Variants in ATPSCKMT observed in about 807,000 individuals in gnomAD.
ATPSCKMT encodes the protein ATP synthase subunit C lysine N-methyltransferase.
In ATPSCKMT, 24 loss-of-function variants were observed where a neutral mutation model predicts 24.3. That is an observed-to-expected ratio of 0.99 (90% CI 0.71 to 1.39). The LOEUF is 1.39. Ranked by LOEUF, ATPSCKMT falls within the 40% of genes most tolerant of loss-of-function variation. The pLI is 0.00. For missense variants in ATPSCKMT, 311 were observed against 298.4 expected (o/e 1.04, Z -0.31); for synonymous variants, 95 against 110.5 (o/e 0.86, Z 0.88).
Position 10,249,853 on chromosome 5 carries a change from C to CTCACCT in ATPSCKMT, c.15_16+4dup, listed in dbSNP as rs1198201377. On this transcript the variant is annotated splice_donor_region_variant and intron_variant, in intron 1 of 4. Coordinates refer to ENST00000511437, the MANE Select transcript of ATPSCKMT (RefSeq NM_199133.4). ...CAGGAACCCGCCAAGCCGCTCCAGC[C>CTCACCT]TCACCTCCTCCTCCCTCCATCGCGA... 1 of 1,558,486 alleles carries CTCACCT rather than the reference C, an allele frequency of 6.4e-7. No homozygotes were observed. The highest frequency in any genetic ancestry group is 2.0e-5 in the Admixed American group (1 of 50,992).
Position 10,227,291 on chromosome 5 carries a change from T to C in ATPSCKMT, c.*150A>G. The C allele has an allele frequency of 1.3e-6, 1 of 797,450 alleles. No homozygotes were observed. Among genetic ancestry groups the C allele is most frequent in the Non-Finnish European group, 1.9e-6 (1 of 519,156 alleles). 49.4% of individuals were successfully genotyped at this position (797,450 alleles called of 1,614,324 possible). On this transcript the variant is annotated 3_prime_UTR_variant, in exon 5 of 5. Transcript: ENST00000511437. ...AGATTTTAAATCTACCTGTTTTTCT[T>C]CGTTTGTTTTCTCCAACAGTTAAGG...
chr5:10,238,148 T>C (rs967209619), intron 2 of ATPSCKMT, among the ~76,000 whole-genome samples: 3 of 152,134 alleles, frequency 2.0e-5, no homozygotes, highest in African/African-American at 7.2e-5. Context: ...TTTTGCAAGA[T>C]GAAAAGAGTT....
chr5:10,238,468 G>A (rs1374899176), intron 2 of ATPSCKMT, among the ~76,000 whole-genome samples: 1 of 152,122 alleles, frequency 6.6e-6, no homozygotes, highest in Non-Finnish European at 1.5e-5. Flanking sequence ...GAACTTTTCA[G>A]CTTATCTCTG....
Position 10,239,049 on chromosome 5 carries a change from T to C in ATPSCKMT, c.306+18A>G. On this transcript the variant is annotated intron_variant, in intron 2 of 4. Transcript: ENST00000511437. Reference sequence around the variant, plus strand: ...TAAGTTCTGGTTTCAAACCTTAAAATGTTTTAGCAGAACTCACAATGCGTC... The same window carrying C: ...TAAGTTCTGGTTTCAAACCTTAAAACGTTTTAGCAGAACTCACAATGCGTC... 6.2e-7 allele frequency: 1 copy of C among 1,603,164 alleles called. No individual in the cohort carries two copies. Among genetic ancestry groups the C allele is most frequent in the Non-Finnish European group, 8.5e-7 (1 of 1,173,580 alleles).
At chr5:10,237,113 C>T (rs1205953918) in intron 2 of ATPSCKMT, 5 of 988,212 alleles carry the variant, frequency 5.1e-6, no homozygotes, top group African/African-American at 1.7e-5. Flanking sequence ...AAACTGAAAA[C>T]AGGTAAAAGT....
At position 10,225,869 on chromosome 5, in the gene ATPSCKMT, C is replaced by A. The variant is rs976345506; in HGVS notation, c.*1572G>T. On this transcript the variant is annotated 3_prime_UTR_variant, in exon 5 of 5. Transcript: ENST00000511437. The stretch of plus-strand genomic sequence containing the variant: ...CCACATCTTCATGGCAAGGAGCTAC[C>A]ATGGATCCCCCTCCGAGTGTGCCCA... Among the ~76,000 whole-genome samples, 1 of 152,150 alleles carries A rather than the reference C, an allele frequency of 6.6e-6. No individual in the cohort carries two copies. Among genetic ancestry groups the A allele is most frequent in the Non-Finnish European group, 1.5e-5 (1 of 68,032 alleles).
chr5:10,226,086 C>G lies in ATPSCKMT; in HGVS notation c.*1355G>C, dbSNP rs1743865805. On this transcript the variant is annotated 3_prime_UTR_variant, in exon 5 of 5. Coordinates refer to ENST00000511437, the MANE Select transcript of ATPSCKMT (RefSeq NM_199133.4). ...CAACATCACATCCCCTCATCTCAGA[C>G]TCACACAGGTGCTCTCTACACCATC... is the stretch of plus-strand genomic sequence containing the variant. Among the ~76,000 whole-genome samples, 1 of 152,242 alleles carries G rather than the reference C, an allele frequency of 6.6e-6. No homozygotes were observed. Among genetic ancestry groups the G allele is most frequent in the African/African-American group, 2.4e-5 (1 of 41,464 alleles).
At chr5:10,245,493 C>T (rs934394143) in intron 1 of ATPSCKMT, among the ~76,000 whole-genome samples, 1 of 151,278 alleles carries the variant, frequency 6.6e-6, no homozygotes, top group African/African-American at 2.4e-5. Context: ...TGCATGTAAT[C>T]CCAGCACTTT....
intron 1 of ATPSCKMT, among the ~76,000 whole-genome samples, chr5:10,241,094 C>G (rs1744622550): frequency 6.6e-6 from 1 of 152,022 alleles, no homozygotes. Flanking sequence ...CTTCTGGGGG[C>G]CCTCGGGCAG....
intron 3 of ATPSCKMT, 151 bp from the exon 4 acceptor site, chr5:10,235,412 C>T (rs1744331161): frequency 1.5e-6 from 1 of 657,060 alleles, no homozygotes; most frequent in Admixed American, 2.6e-5. Flanking sequence ...CTTAAGATTT[C>T]ACAAGGAAAA....
chr5:10,249,828 C>T, intron 1 of ATPSCKMT, 30 bp downstream of exon 1: 1 of 1,562,988 alleles, frequency 6.4e-7, no homozygotes, highest in East Asian at 2.3e-5. Flanking sequence ...CTCATGCCCC[C>T]AGGAACCCGC....
intron 4 of ATPSCKMT, among the ~76,000 whole-genome samples, chr5:10,230,939 G>A (rs1366461129): frequency 2.6e-5 from 4 of 152,160 alleles, no homozygotes; most frequent in East Asian, 1.9e-4. Context: ...CCATCTGTGC[G>A]GATGCCCAAC....
intron 4 of ATPSCKMT, among the ~76,000 whole-genome samples, chr5:10,230,094 G>C (rs1744056651): frequency 1.3e-5 from 2 of 151,800 alleles, no homozygotes; most frequent in African/African-American, 2.4e-5. Flanking sequence ...GGGCTTCTAT[G>C]ATGGTTTTAT....
At chr5:10,230,031 C>G (rs1037923728) in intron 4 of ATPSCKMT, among the ~76,000 whole-genome samples, 1 of 152,142 alleles carries the variant, frequency 6.6e-6, no homozygotes, top group African/African-American at 2.4e-5. Context: ...ATTTAGAAAA[C>G]AAGATCTAAG....
intron 1 of ATPSCKMT, among the ~76,000 whole-genome samples, chr5:10,239,712 T>C (rs552740991): frequency 5.1e-4 from 78 of 152,332 alleles, no homozygotes; most frequent in African/African-American, 1.8e-3. Context: ...TATTTTTATG[T>C]TCTGAACTAA....
chr5:10,239,684 T>C (rs1490416548), intron 1 of ATPSCKMT, among the ~76,000 whole-genome samples: 1 of 152,158 alleles, frequency 6.6e-6, no homozygotes, highest in African/African-American at 2.4e-5. Flanking sequence ...TTAGTGCAAG[T>C]TTTAATCATG....
chr5:10,238,981 T>C (rs1325917078), intron 2 of ATPSCKMT, 86 bp downstream of exon 2: 20 of 1,474,898 alleles, frequency 1.4e-5, no homozygotes, highest in South Asian at 1.3e-4. Flanking sequence ...TCAGATTTAG[T>C]TAAGTCTTTG....
intron 4 of ATPSCKMT, among the ~76,000 whole-genome samples, chr5:10,231,971 A>C (rs1744157907): frequency 6.6e-6 from 1 of 152,236 alleles, no homozygotes; most frequent in Non-Finnish European, 1.5e-5. Context: ...GGGAGTCTGC[A>C]GCCGGAGGAC....
intron 1 of ATPSCKMT, chr5:10,249,440 T>C (rs1374472524): frequency 4.9e-6 from 1 of 203,874 alleles, no homozygotes; most frequent in Non-Finnish European, 9.8e-6. Context: ...AGCAGCCCTG[T>C]GAGTAGGCAC....
Sources: allele counts gnomAD v4.1 joint callset (sites outside exome capture counted in the v4.1 genomes callset), GRCh38; gene constraint gnomAD v4.1.1; transcripts MANE v1.5; gene names NCBI Gene and HGNC (gene_info 2026-07-23, HGNC 2026-07-21).